The following ATP6V0A4 variants were observed in gnomAD, a reference collection of about 807,000 sequenced individuals.
The protein encoded by ATP6V0A4 is V-type proton ATPase 116 kDa subunit a 4.
A neutral mutation model predicts 107.3 loss-of-function variants in ATP6V0A4; 86 were observed. The ratio of observed to expected loss-of-function variants is 0.80; its 90% CI spans 0.67 to 0.96. The LOEUF (loss-of-function observed/expected upper bound fraction) is 0.96, where lower values mean the gene tolerates loss of function less well. Ranked by LOEUF, ATP6V0A4 falls within the 40% of genes least tolerant of loss-of-function variation. The probability of loss-of-function intolerance (pLI) is 0.00; values close to 1 mark genes in which losing one functional copy is unlikely to be tolerated. For synonymous variants in ATP6V0A4, 353 were observed against 381.4 expected (o/e 0.93, Z 0.87); for missense variants, 908 against 1,045.6 (o/e 0.87, Z 1.81).
intron 17 of ATP6V0A4, among the ~76,000 whole-genome samples, chr7:138,730,222 C>G (rs919390336): frequency 1.3e-5 from 2 of 152,120 alleles, no homozygotes; most frequent in African/African-American, 2.4e-5. Context: ...GAAGGGAGAC[C>G]ATGTGAACCC....
At chr7:138,708,384 T>C (rs1803561518) in intron 21 of ATP6V0A4, among the ~76,000 whole-genome samples, 1 of 152,110 alleles carries the variant, frequency 6.6e-6, no homozygotes, top group South Asian at 2.1e-4. Context: ...TCAGTTCCTC[T>C]CCTCAATGAC....
intron 8 of ATP6V0A4, among the ~76,000 whole-genome samples, chr7:138,759,123 G>A (rs1347044283): frequency 2.2e-5 from 3 of 136,728 alleles, no homozygotes; most frequent in Non-Finnish European, 4.6e-5. Context: ...GCAGTGGTGT[G>A]ATCATAGCTC....
chr7:138,755,606 T>TG (rs1471115332), intron 10 of ATP6V0A4, 83 bp downstream of exon 10: 2 of 1,586,696 alleles, frequency 1.3e-6, no homozygotes, highest in African/African-American at 1.3e-5. Context: ...GCAAGGGCCC[T>TG]GGGGGGCAGG....
intron 17 of ATP6V0A4, 40 bp downstream of exon 17, chr7:138,732,837 A>G (rs1292644210): frequency 6.8e-7 from 1 of 1,475,170 alleles, no homozygotes; most frequent in African/African-American, 1.5e-5. Context: ...ATAATCAAGT[A>G]AATAAAAGAA....
chr7:138,779,247 C>T (rs949779593), intron 2 of ATP6V0A4, among the ~76,000 whole-genome samples: 9 of 151,520 alleles, frequency 5.9e-5, no homozygotes, highest in South Asian at 2.1e-4. Context: ...CTTGGGAGGC[C>T]GACTTGGGAG....
chr7:138,774,770 AT>A (rs1387329771), intron 2 of ATP6V0A4, among the ~76,000 whole-genome samples: 5 of 151,546 alleles, frequency 3.3e-5, no homozygotes, highest in South Asian at 4.2e-4. Context: ...AAAATAAAAA[AT>A]ATCACACTCA....
At chr7:138,706,861 G>A in intron 21 of ATP6V0A4, 144 bp from the exon 22 acceptor site, 1 of 1,305,794 alleles carries the variant, frequency 7.7e-7, no homozygotes, top group Non-Finnish European at 1.0e-6. Flanking sequence ...AGGCACCCAG[G>A]CTGATGGCTG....
At chr7:138,728,720 T>G (rs1804837604) in intron 18 of ATP6V0A4, 41 bp downstream of exon 18, 1 of 1,613,276 alleles carries the variant, frequency 6.2e-7, no homozygotes, top group South Asian at 1.1e-5. Flanking sequence ...AAACCCACAT[T>G]CTTATGCAAA....
At position 138,709,812 on chromosome 7, in the gene ATP6V0A4, A is replaced by G. The variant is rs1681781355; in HGVS notation, c.2258-17T>C. ...CAGACAGTTCTGCAAGGTACGAGAA[A>G]CCACTGGGATTATCTTGTAAATGCA... On this transcript the variant is annotated splice_polypyrimidine_tract_variant and intron_variant, in intron 20 of 21. Transcript: ENST00000310018. 1 of 1,613,060 alleles carries G rather than the reference A, an allele frequency of 6.2e-7. No homozygotes were observed. Among genetic ancestry groups the G allele is most frequent in the African/African-American group, 1.3e-5 (1 of 74,878 alleles).
chr7:138,723,552 A>G (rs1363912924), intron 18 of ATP6V0A4, among the ~76,000 whole-genome samples: 1 of 138,318 alleles, frequency 7.2e-6, no homozygotes, highest in African/African-American at 2.7e-5. Flanking sequence ...TTGAGAAGGA[A>G]TTTTGCTCCT....
chr7:138,791,254 G>A (rs1260479197), intron 1 of ATP6V0A4, among the ~76,000 whole-genome samples: 1 of 152,100 alleles, frequency 6.6e-6, no homozygotes, highest in African/African-American at 2.4e-5. Context: ...GATGACAAGA[G>A]ATTTCATAAA....
rs531219743 is a variant in ATP6V0A4, at chr7:138,774,424, C to T, written c.-17-3160G>A. On this transcript the variant is annotated intron_variant, in intron 2 of 21. Transcript: ENST00000310018. ...TGAAATCCTGTCTCTACTAAAAATA[C>T]GAAAAAATGAGCAGAGTGTGGTGGC... Among the ~76,000 whole-genome samples, 37 of 151,424 alleles carry T rather than the reference C, an allele frequency of 2.4e-4. No individual in the cohort carries two copies. The Middle Eastern group carries it at 0.01, about 42-fold the overall frequency.
chr7:138,759,924 G>T, intron 7 of ATP6V0A4, 46 bp from the exon 8 acceptor site: 1 of 1,613,308 alleles, frequency 6.2e-7, no homozygotes, highest in Non-Finnish European at 8.5e-7. Flanking sequence ...CAGGGATTGG[G>T]ATGCAGAGAG....
chr7:138,739,192 G>C (rs1391324380), intron 15 of ATP6V0A4, among the ~76,000 whole-genome samples: 1 of 152,146 alleles, frequency 6.6e-6, no homozygotes, highest in Non-Finnish European at 1.5e-5. Flanking sequence ...AAAATACAAA[G>C]CAGGGAACTT....
At chr7:138,745,943 CAAAAAA>C (rs1185253786) in intron 13 of ATP6V0A4, among the ~76,000 whole-genome samples, 24 of 72,274 alleles carry the variant, frequency 3.3e-4, no homozygotes, top group African/African-American at 4.7e-4. Flanking sequence ...GACTCTGTCT[CAAAAAA>C]AAAAAAAAAA....
At chr7:138,763,579 G>T (rs1000373827) in intron 5 of ATP6V0A4, among the ~76,000 whole-genome samples, 1 of 152,186 alleles carries the variant, frequency 6.6e-6, no homozygotes, top group East Asian at 1.9e-4. Flanking sequence ...GGTGAGCCGA[G>T]ATCGTGCCAC....
intron 19 of ATP6V0A4, among the ~76,000 whole-genome samples, chr7:138,716,576 G>GC (rs1562978767): frequency 2.4e-5 from 3 of 123,690 alleles, no homozygotes; most frequent in South Asian, 5.9e-4. Context: ...ATTTTTTTTT[G>GC]GGGGGGGGGG....
At chr7:138,760,341 G>A (rs932675068) in intron 7 of ATP6V0A4, among the ~76,000 whole-genome samples, 1 of 151,504 alleles carries the variant, frequency 6.6e-6, no homozygotes, top group African/African-American at 2.4e-5. Context: ...TACTCAGGAG[G>A]CTGAGGTAGG....
intron 15 of ATP6V0A4, among the ~76,000 whole-genome samples, chr7:138,737,753 G>A (rs1470371343): frequency 3.7e-5 from 5 of 135,692 alleles, no homozygotes; most frequent in Admixed American, 8.3e-5. Context: ...GGCTAATTTT[G>A]GTATTTTTAC....
Sources: gnomAD v4.1 joint callset for allele counts (sites outside exome capture counted in the v4.1 genomes callset) on GRCh38, gnomAD v4.1.1 for gene constraint, MANE v1.5 for transcripts, NCBI Gene and HGNC (gene_info 2026-07-23, HGNC 2026-07-21) for gene names.